The following HTR3B variants were observed in gnomAD, a reference collection of about 807,000 sequenced individuals.
HTR3B encodes 5-hydroxytryptamine receptor 3B.
In HTR3B, 44 loss-of-function variants were observed where a neutral mutation model predicts 42.8. The observed-to-expected ratio is 1.03, with a 90% CI of 0.81 to 1.32. HTR3B has a LOEUF of 1.32. Ranked by LOEUF, HTR3B falls within the 40% of genes most tolerant of loss-of-function variation. The probability of loss-of-function intolerance (pLI) is 0.00; values close to 1 mark genes in which losing one functional copy is unlikely to be tolerated. For missense variants in HTR3B, 527 were observed against 536.5 expected (o/e 0.98, Z 0.17); for synonymous variants, 203 against 209.0 (o/e 0.97, Z 0.25).
At chr11:113,904,396 C>G (rs921919244), upstream of HTR3B, among the ~76,000 whole-genome samples, 1 of 152,172 alleles carries the variant, frequency 6.6e-6, no homozygotes, top group African/African-American at 2.4e-5. Flanking sequence ...TGCAGTTGTT[C>G]TTCATTAGAC....
At chr11:113,911,800 A>G (rs1181979069) in intron 2 of HTR3B, among the ~76,000 whole-genome samples, 1 of 152,134 alleles carries the variant, frequency 6.6e-6, no homozygotes, top group African/African-American at 2.4e-5. Context: ...AAGTGCTGGG[A>G]TTACAGGCAT....
chr11:113,903,659 C>A (rs966381249), upstream of HTR3B, among the ~76,000 whole-genome samples: 2 of 151,984 alleles, frequency 1.3e-5, no homozygotes, highest in African/African-American at 4.8e-5. Flanking sequence ...AACTCCTAAC[C>A]TCAAGTGATC....
chr11:113,925,780 G>A (rs1949964360), intron 2 of HTR3B, among the ~76,000 whole-genome samples: 1 of 152,048 alleles, frequency 6.6e-6, no homozygotes, highest in African/African-American at 2.4e-5. Context: ...TTAATAGTAT[G>A]CATCAGACTT....
At chr11:113,919,844 A>G (rs1047204692) in intron 2 of HTR3B, among the ~76,000 whole-genome samples, 1 of 151,522 alleles carries the variant, frequency 6.6e-6, no homozygotes, top group African/African-American at 2.4e-5. Context: ...AACAACAACA[A>G]CAACAACAAC....
In HTR3B at chr11:113,909,412, C is replaced by A; in HGVS notation, c.170C>A (p.Thr57Asn). 1 of 1,614,094 alleles carries A rather than the reference C, an allele frequency of 6.2e-7. No individual in the cohort carries two copies. The highest frequency in any genetic ancestry group is 8.5e-7 in the Non-Finnish European group (1 of 1,179,952). Residue 57 changes from threonine to asparagine, a missense_variant, in exon 2 of 9, where the codon ACC becomes AAC. By Grantham distance (65) the Thr-to-Asn change is moderately conservative. Transcript: ENST00000260191. ...CCTGTTTACAACTGGACCAAGGCCA[C>A]CACAGTCTACCTGGACCTGTTCGTC... ...VRPVYNWTKA[T>N]TVYLDLFVHA...
chr11:113,906,970 C>T (rs1385090526), intron 1 of HTR3B, among the ~76,000 whole-genome samples: 1 of 152,176 alleles, frequency 6.6e-6, no homozygotes, highest in Non-Finnish European at 1.5e-5. Context: ...ATGTGTAACT[C>T]TCTTATAATC....
At chr11:113,920,881 C>T (rs545309783) in intron 2 of HTR3B, among the ~76,000 whole-genome samples, 2 of 152,064 alleles carry the variant, frequency 1.3e-5, no homozygotes, top group African/African-American at 4.8e-5. Context: ...GGTGCAATCT[C>T]GGCTCACTGC....
At chr11:113,928,696 C>T (rs1434336164) in intron 2 of HTR3B, among the ~76,000 whole-genome samples, 3 of 152,120 alleles carry the variant, frequency 2.0e-5, no homozygotes, top group African/African-American at 4.8e-5. Flanking sequence ...GCTACCACTC[C>T]TGGCTAATTT....
At chr11:113,941,746 A>C (rs1438864544) in intron 6 of HTR3B, among the ~76,000 whole-genome samples, 1 of 152,146 alleles carries the variant, frequency 6.6e-6, no homozygotes, top group Non-Finnish European at 1.5e-5. Context: ...TTTCTGCCCC[A>C]GTGGAGTCAA....
chr11:113,906,156 A>G (rs1176930817), intron 1 of HTR3B, among the ~76,000 whole-genome samples: 1 of 152,240 alleles, frequency 6.6e-6, no homozygotes, highest in African/African-American at 2.4e-5. Flanking sequence ...TCTGATAACC[A>G]GTGCTTTACC....
In HTR3B at chr11:113,933,046, A is replaced by G; in HGVS notation, c.649A>G (p.Ser217Gly). 1.2e-6 allele frequency: 2 copies of G among 1,614,186 alleles called. No homozygotes were observed. Among genetic ancestry groups the G allele is most frequent in the Non-Finnish European group, 1.7e-6 (2 of 1,180,010 alleles). Residue 217 changes from serine (S) to glycine (G), a missense_variant, in exon 6 of 9, where the codon AGC (serine) becomes GGC (glycine). Physicochemically the swap from Ser to Gly is moderately conservative, Grantham distance 56. Transcript: ENST00000260191. ...WELLSVSSTY[S>G]ILQSSAGGFA... ...ACTTCTATCTGTGTCCTCCACATAC[A>G]GCATCCTGCAGAGCAGCGCTGGAGG...
chr11:113,905,900 T>C (rs924443892), intron 1 of HTR3B, among the ~76,000 whole-genome samples: 3 of 152,170 alleles, frequency 2.0e-5, no homozygotes, highest in African/African-American at 7.2e-5. Context: ...CATTAAAGTA[T>C]AAAAATCCTG....
chr11:113,922,907 C>G (rs1949931025), intron 2 of HTR3B, among the ~76,000 whole-genome samples: 1 of 152,150 alleles, frequency 6.6e-6, no homozygotes, highest in Non-Finnish European at 1.5e-5. Flanking sequence ...AAATTATGCC[C>G]TAATGTAGTG....
intron 6 of HTR3B, among the ~76,000 whole-genome samples, chr11:113,938,179 A>G (rs1950106618): frequency 6.6e-6 from 1 of 152,052 alleles, no homozygotes; most frequent in African/African-American, 2.4e-5. Context: ...ATCATTTCCA[A>G]ATAAGGTCAC....
At chr11:113,909,115 C>T (rs1949757539) in intron 1 of HTR3B, 180 bp from the exon 2 acceptor site, 1 of 611,328 alleles carries the variant, frequency 1.6e-6, no homozygotes, top group East Asian at 2.7e-5. Flanking sequence ...GGCACTTAGG[C>T]CATCAGCTTA....
chr11:113,941,280 T>C (rs1950132722), intron 6 of HTR3B, among the ~76,000 whole-genome samples: 1 of 152,208 alleles, frequency 6.6e-6, no homozygotes, highest in African/African-American at 2.4e-5. Context: ...AGGTCTTATT[T>C]TTGGCCCCTT....
chr11:113,901,606 A>T (rs1949698308), upstream of HTR3B, among the ~76,000 whole-genome samples: 1 of 152,258 alleles, frequency 6.6e-6, no homozygotes, highest in Non-Finnish European at 1.5e-5. Context: ...CAAGTCACTC[A>T]TACAAAATCA....
chr11:113,909,598 A>T, intron 2 of HTR3B, 143 bp downstream of exon 2: 2 of 681,906 alleles, frequency 2.9e-6, no homozygotes, highest in Non-Finnish European at 4.9e-6. Flanking sequence ...TTTAGCAGTT[A>T]GGTAAAATAT....
chr11:113,932,815 A>C (rs1446918632), intron 5 of HTR3B, 121 bp from the exon 6 acceptor site: 1 of 962,558 alleles, frequency 1.0e-6, no homozygotes, highest in African/African-American at 1.6e-5. Flanking sequence ...AAATAAGGCC[A>C]AGGAGACTGT....
Sources: allele counts gnomAD v4.1 joint callset (sites outside exome capture counted in the v4.1 genomes callset), GRCh38; gene constraint gnomAD v4.1.1; transcripts MANE v1.5; gene names NCBI Gene and HGNC (gene_info 2026-07-23, HGNC 2026-07-21).